The following DSCAM variants were observed in gnomAD, a reference collection of about 807,000 sequenced individuals.
DSCAM encodes the protein DS cell adhesion molecule.
DSCAM carries 47 observed loss-of-function variants against 217.7 expected under a neutral mutation model. That is an observed-to-expected ratio of 0.22 (90% CI 0.17 to 0.28). DSCAM has a LOEUF of 0.28. Ranked by LOEUF, DSCAM falls within the 10% of genes least tolerant of loss-of-function variation. DSCAM has a pLI of 1.00. For missense variants in DSCAM, 2,080 were observed against 2,618.3 expected, an observed-to-expected ratio of 0.79 and a Z score of 4.49; for synonymous variants, 1,056 against 1,015.3, an observed-to-expected ratio of 1.04 and a Z score of -0.76.
intron 3 of DSCAM, among the ~76,000 whole-genome samples, chr21:40,379,510 T>C (rs915917521): frequency 1.2e-4 from 19 of 152,184 alleles, no homozygotes; most frequent in African/African-American, 4.6e-4. Context: ...CCCTGGTCTT[T>C]GTATTCCCTC....
chr21:40,369,414 G>GTC (rs1314901272), intron 3 of DSCAM, 169 bp from the exon 4 acceptor site: 1 of 570,372 alleles, frequency 1.8e-6, no homozygotes, highest in Non-Finnish European at 2.9e-6. Flanking sequence ...GTGTGTGTGT[G>GTC]TGTGTGTCAA....
rs986397888 is a variant in DSCAM at position 40,320,979 on chromosome 21, A to G, written c.1784-8620T>C. 2.0e-5 allele frequency among the ~76,000 whole-genome samples: 3 copies of G among 152,270 alleles called. 1 individual carries two copies. Among genetic ancestry groups the G allele is most frequent in the Non-Finnish European group, 4.4e-5 (3 of 68,042 alleles). ...CCTACAAGAGTTTATGAGAGTTCAT[A>G]GATCCCATGGCAAAAGTTAATGAGG... On this transcript the variant is annotated intron_variant, in intron 8 of 32. Coordinates refer to ENST00000400454, the MANE Select transcript of DSCAM (RefSeq NM_001389.5).
In DSCAM at chr21:40,361,108, T is replaced by G. The variant is rs190694724; in HGVS notation, c.656-7365A>C. ...TTTTCATCCCCTTCAAATTTTTTTT[T>G]GTCTCAAAGTCTTCAAACTTTTATA... On this transcript the variant is annotated intron_variant, in intron 4 of 32. Coordinates refer to ENST00000400454, the MANE Select transcript of DSCAM (RefSeq NM_001389.5). 1.5e-4 allele frequency among the ~76,000 whole-genome samples: 22 copies of G among 151,552 alleles called. 1 individual carries two copies. In the East Asian group the frequency reaches 4.1e-3, roughly 28 times the overall value.
At chr21:40,693,302 G>A (rs2090559000) in intron 2 of DSCAM, among the ~76,000 whole-genome samples, 1 of 152,064 alleles carries the variant, frequency 6.6e-6, no homozygotes, top group South Asian at 2.1e-4. Flanking sequence ...TGGGCATGGT[G>A]GTGTGTGATT....
intron 32 of DSCAM, among the ~76,000 whole-genome samples, chr21:40,028,478 C>T (rs1220640892): frequency 6.6e-6 from 1 of 151,896 alleles, no homozygotes; most frequent in Admixed American, 6.6e-5. Flanking sequence ...TGATCTCAGA[C>T]TGCTCTGCTA....
At chr21:40,696,497 T>C (rs905528704) in intron 2 of DSCAM, among the ~76,000 whole-genome samples, 5 of 152,156 alleles carry the variant, frequency 3.3e-5, no homozygotes, top group African/African-American at 1.2e-4. Flanking sequence ...GTCATTGGCT[T>C]AGGGCTGGCC....
At chr21:40,838,198 C>T (rs1183528712) in intron 1 of DSCAM, among the ~76,000 whole-genome samples, 1 of 152,182 alleles carries the variant, frequency 6.6e-6, no homozygotes, top group Non-Finnish European at 1.5e-5. Context: ...TCTTATGATA[C>T]AATCACAGAA....
chr21:40,087,165 G>T lies in DSCAM; in HGVS notation c.3968+5C>A. On this transcript the variant is annotated splice_donor_5th_base_variant and intron_variant, in intron 22 of 32. Transcript: ENST00000400454. ...ACTGAAGGCATACATTGGGTTACTG[G>T]TTACCTGTCTTTCATCCATTTGACT... The T allele has an allele frequency of 6.2e-7, 1 of 1,601,190 alleles. No homozygotes were observed. The highest frequency in any genetic ancestry group is 8.6e-7 in the Non-Finnish European group (1 of 1,168,150).
intron 3 of DSCAM, among the ~76,000 whole-genome samples, chr21:40,558,796 AT>A (rs1440345395): frequency 6.6e-6 from 1 of 152,136 alleles, no homozygotes. Context: ...CATCCTCGTT[AT>A]TTTTATCACC....
At chr21:40,536,656 T>G (rs529328886) in intron 3 of DSCAM, among the ~76,000 whole-genome samples, 3 of 152,198 alleles carry the variant, frequency 2.0e-5, no homozygotes, top group Non-Finnish European at 4.4e-5. Flanking sequence ...TCCGCCCGCC[T>G]TGGCCTCCCA....
intron 3 of DSCAM, among the ~76,000 whole-genome samples, chr21:40,450,102 G>C (rs1227563970): frequency 6.6e-6 from 1 of 152,052 alleles, no homozygotes; most frequent in Non-Finnish European, 1.5e-5. Context: ...AAAAGTCTTA[G>C]AAAGCTATAC....
chr21:40,060,548 C>T (rs1355893899), intron 28 of DSCAM, among the ~76,000 whole-genome samples: 4 of 132,808 alleles, frequency 3.0e-5, no homozygotes, highest in Non-Finnish European at 3.2e-5. Flanking sequence ...GCTCAGTGTA[C>T]GGACTGGTGA....
chr21:40,143,842 C>A (rs2090322248), intron 17 of DSCAM, among the ~76,000 whole-genome samples: 1 of 152,148 alleles, frequency 6.6e-6, no homozygotes. Context: ...AAATGTAGTG[C>A]CAGCTTCCTG....
intron 20 of DSCAM, among the ~76,000 whole-genome samples, chr21:40,106,964 A>T: frequency 6.9e-6 from 1 of 144,250 alleles, no homozygotes. Flanking sequence ...TCATGTCTCT[A>T]TCTCCTTCTG....
intron 10 of DSCAM, among the ~76,000 whole-genome samples, chr21:40,283,704 C>T (rs1186852576): frequency 6.6e-6 from 1 of 152,210 alleles, no homozygotes; most frequent in African/African-American, 2.4e-5. Flanking sequence ...CTTATTTTCT[C>T]TGCATCCTTA....
intron 3 of DSCAM, among the ~76,000 whole-genome samples, chr21:40,478,898 A>T (rs2075959540): frequency 6.6e-6 from 1 of 152,248 alleles, no homozygotes; most frequent in Non-Finnish European, 1.5e-5. Context: ...AATAAATAAT[A>T]ATAAAATAGA....
At chr21:40,771,417 G>A (rs952631893) in intron 1 of DSCAM, among the ~76,000 whole-genome samples, 27 of 152,158 alleles carry the variant, frequency 1.8e-4, no homozygotes, top group African/African-American at 6.5e-4. Context: ...CATTTTTCCC[G>A]AAAGGTGGAG....
chr21:40,795,639 G>A (rs2091684936), intron 1 of DSCAM, among the ~76,000 whole-genome samples: 1 of 152,152 alleles, frequency 6.6e-6, no homozygotes, highest in Non-Finnish European at 1.5e-5. Flanking sequence ...GTACACATCT[G>A]TAGAACAAAC....
intron 12 of DSCAM, among the ~76,000 whole-genome samples, chr21:40,188,618 AT>A (rs890643226): frequency 1.2e-3 from 175 of 149,384 alleles, no homozygotes; most frequent in African/African-American, 3.2e-3. Context: ...TTAACGACAG[AT>A]TTTTTTTTTA....
Sources: gnomAD v4.1 joint callset for allele counts (sites outside exome capture counted in the v4.1 genomes callset) on GRCh38, gnomAD v4.1.1 for gene constraint, MANE v1.5 for transcripts, NCBI Gene and HGNC (gene_info 2026-07-23, HGNC 2026-07-21) for gene names.